The following CCDC85A variants were observed in gnomAD, a reference collection of about 807,000 sequenced individuals.
CCDC85A encodes coiled-coil domain containing 85A, also known as coiled-coil domain-containing protein 85A.
In CCDC85A, 38 loss-of-function variants were observed where a neutral mutation model predicts 50.2. The observed-to-expected ratio is 0.76, with a 90% CI of 0.58 to 0.99. The LOEUF (loss-of-function observed/expected upper bound fraction) is 0.99, where lower values mean the gene tolerates loss of function less well. Among genes scored for constraint, CCDC85A ranks in the 50% least tolerant of loss-of-function variants. The pLI, the probability that CCDC85A is intolerant of heterozygous loss-of-function variation, is 0.00. For synonymous variants in CCDC85A, 366 were observed against 301.4 expected (o/e 1.21, Z -2.22); for missense variants, 820 against 742.0 (o/e 1.11, Z -1.22).
At chr2:56,226,741 G>C (rs1413007885) in intron 2 of CCDC85A, among the ~76,000 whole-genome samples, 1 of 151,808 alleles carries the variant, frequency 6.6e-6, no homozygotes, top group Non-Finnish European at 1.5e-5. Context: ...CTTCCCATCC[G>C]CTTCATAGGA....
chr2:56,206,702 A>G (rs372447067), intron 2 of CCDC85A, among the ~76,000 whole-genome samples: 3 of 152,174 alleles, frequency 2.0e-5, no homozygotes, highest in African/African-American at 7.2e-5. Context: ...TGCATTGAGG[A>G]TTACGTTTCT....
rs772080304 is a variant in CCDC85A at position 56,220,825 on chromosome 2, C to G, written c.1240+27385C>G. Among the ~76,000 whole-genome samples, 2 of 151,934 alleles carry G rather than the reference C, an allele frequency of 1.3e-5. 1 individual carries two copies. The highest frequency in any genetic ancestry group is 1.3e-4 in the Admixed American group (2 of 15,226). ...TCCCCTTTGATACATTCTCTTTTGT[C>G]TCCTCATTACCAAGAATAGCACGCA... is the stretch of plus-strand genomic sequence containing the variant. On this transcript the variant is annotated intron_variant, in intron 2 of 5. Coordinates refer to ENST00000407595, the MANE Select transcript of CCDC85A (RefSeq NM_001080433.2).
chr2:56,195,180 A>G (rs72801168), intron 2 of CCDC85A, among the ~76,000 whole-genome samples: 1 of 152,214 alleles, frequency 6.6e-6, no homozygotes, highest in Admixed American at 6.5e-5. Flanking sequence ...GGGCTTCTTT[A>G]TATAAAGAAC....
chr2:56,380,122 T>C, intron 5 of CCDC85A, among the ~76,000 whole-genome samples: 1 of 152,160 alleles, frequency 6.6e-6, no homozygotes, highest in East Asian at 1.9e-4. Flanking sequence ...CTGTCTAAAA[T>C]ATGTTTCTAA....
At chr2:56,248,375 A>G (rs1016109132) in intron 2 of CCDC85A, among the ~76,000 whole-genome samples, 2 of 152,066 alleles carry the variant, frequency 1.3e-5, no homozygotes, top group African/African-American at 4.8e-5. Context: ...GTGTACTCAG[A>G]TGCTCCTTGT....
At chr2:56,356,194 T>C (rs1397216378) in intron 3 of CCDC85A, among the ~76,000 whole-genome samples, 1 of 152,252 alleles carries the variant, frequency 6.6e-6, no homozygotes, top group African/African-American at 2.4e-5. Context: ...GTTATGCTTT[T>C]GGGTGCCTAG....
At chr2:56,189,092 A>G (rs1032341458) in intron 1 of CCDC85A, among the ~76,000 whole-genome samples, 1 of 152,120 alleles carries the variant, frequency 6.6e-6, no homozygotes, top group African/African-American at 2.4e-5. Flanking sequence ...CTCTCCTCTT[A>G]GGTTCATATG....
At chr2:56,348,638 G>A (rs942292517) in intron 3 of CCDC85A, among the ~76,000 whole-genome samples, 1 of 152,130 alleles carries the variant, frequency 6.6e-6, no homozygotes, top group Non-Finnish European at 1.5e-5. Flanking sequence ...TGCTGAGAAG[G>A]GTACGTAGGA....
intron 2 of CCDC85A, among the ~76,000 whole-genome samples, chr2:56,194,258 G>T (rs1027471401): frequency 2.6e-5 from 4 of 152,220 alleles, no homozygotes; most frequent in African/African-American, 9.6e-5. Flanking sequence ...TGCTGAGGCA[G>T]TGCTAAACCT....
chr2:56,368,318 A>G (rs369882891), intron 3 of CCDC85A, among the ~76,000 whole-genome samples: 18 of 152,290 alleles, frequency 1.2e-4, no homozygotes, highest in African/African-American at 4.3e-4. Flanking sequence ...CCTATGCACA[A>G]GAATCTCTTG....
chr2:56,289,495 G>A (rs1671607558), intron 2 of CCDC85A, among the ~76,000 whole-genome samples: 1 of 152,144 alleles, frequency 6.6e-6, no homozygotes, highest in South Asian at 2.1e-4. Flanking sequence ...GGTGGTAGAA[G>A]GACATTATAA....
chr2:56,370,642 T>C (rs1676026026), intron 3 of CCDC85A, among the ~76,000 whole-genome samples: 1 of 152,128 alleles, frequency 6.6e-6, no homozygotes, highest in Admixed American at 6.5e-5. Context: ...ATCTACTTTC[T>C]GAAAGTTGGA....
rs993031478 is a variant in CCDC85A, at chr2:56,184,799, G to T, written c.175G>T (p.Ala59Ser). 3.2e-6 allele frequency: 5 copies of T among 1,546,182 alleles called. No individual in the cohort carries two copies. The highest frequency in any genetic ancestry group is 4.4e-6 in the Non-Finnish European group (5 of 1,146,036). The change falls in exon 1 of 6, where the codon GCC (alanine) becomes TCC (serine). Residue 59 changes from alanine (A) to serine (S), a missense_variant. Coordinates refer to ENST00000407595, the MANE Select transcript of CCDC85A (RefSeq NM_001080433.2). ...GGAGCTGATCCGCAGCCTGCGGCGC[G>T]CCGAGGCGGAGAAGGTGAGCGCGAT... ...KEELIRSLRR[A>S]EAEKVSAMLD...
At chr2:56,359,466 C>T (rs1465700699) in intron 3 of CCDC85A, among the ~76,000 whole-genome samples, 1 of 152,176 alleles carries the variant, frequency 6.6e-6, no homozygotes, top group Non-Finnish European at 1.5e-5. Flanking sequence ...GATTATATTA[C>T]TTTTGTTTCC....
intron 3 of CCDC85A, among the ~76,000 whole-genome samples, chr2:56,371,967 G>A (rs563487311): frequency 2.0e-5 from 3 of 152,186 alleles, no homozygotes; most frequent in Non-Finnish European, 4.4e-5. Context: ...CTTTTGTTAA[G>A]TTCTGAAGTT....
chr2:56,271,407 G>A (rs564936432), intron 2 of CCDC85A, among the ~76,000 whole-genome samples: 5 of 152,280 alleles, frequency 3.3e-5, no homozygotes, highest in Admixed American at 2.0e-4. Flanking sequence ...AGTCCAGGAA[G>A]CAGGAGAACT....
At chr2:56,200,686 A>G (rs1573014074) in intron 2 of CCDC85A, among the ~76,000 whole-genome samples, 1 of 152,222 alleles carries the variant, frequency 6.6e-6, no homozygotes, top group Non-Finnish European at 1.5e-5. Context: ...GTAGCAGGTT[A>G]CATTGTCATT....
intron 3 of CCDC85A, among the ~76,000 whole-genome samples, chr2:56,364,278 T>G (rs1021651692): frequency 2.0e-5 from 3 of 152,302 alleles, no homozygotes; most frequent in Middle Eastern, 3.4e-3. Flanking sequence ...CCCTTTGTAA[T>G]TTTTGTAAAA....
chr2:56,357,101 G>A (rs935688485), intron 3 of CCDC85A, among the ~76,000 whole-genome samples: 1 of 151,666 alleles, frequency 6.6e-6, no homozygotes, highest in Non-Finnish European at 1.5e-5. Context: ...AAAAGATTGA[G>A]CCCTAAATAG....
Sources: allele counts gnomAD v4.1 joint callset (sites outside exome capture counted in the v4.1 genomes callset), GRCh38; gene constraint gnomAD v4.1.1; transcripts MANE v1.5; gene names NCBI Gene and HGNC (gene_info 2026-07-23, HGNC 2026-07-21).